The following KIAA0319L variants were observed in gnomAD, a reference collection of about 807,000 sequenced individuals.
KIAA0319L encodes KIAA0319 like.
In KIAA0319L, 55 loss-of-function variants were observed where a neutral mutation model predicts 120.1. That is an observed-to-expected ratio of 0.46 (90% CI 0.37 to 0.57). KIAA0319L has a LOEUF of 0.57. KIAA0319L is among the 20% of genes least tolerant of loss of function. KIAA0319L has a pLI of 0.00. For missense variants in KIAA0319L, 1,049 were observed against 1,255.3 expected (o/e 0.84, Z 2.48); for synonymous variants, 398 against 471.9 (o/e 0.84, Z 2.03).
intron 2 of KIAA0319L, among the ~76,000 whole-genome samples, chr1:35,547,764 T>C (rs962574825): frequency 6.6e-6 from 1 of 152,136 alleles, no homozygotes; most frequent in Non-Finnish European, 1.5e-5. Flanking sequence ...TGCTAATGGG[T>C]ACAGGGCTTC....
intron 2 of KIAA0319L, chr1:35,533,484 T>A (rs559680391): frequency 2.6e-5 from 4 of 152,202 alleles, no homozygotes; most frequent in South Asian, 4.1e-4. Context: ...GTAGAAAAAA[T>A]TTGCAATTAA....
rs115940346 is a variant in KIAA0319L, at chr1:35,513,808, T to C, written c.143-6673A>G. On this transcript the variant is annotated intron_variant, in intron 2 of 20. Transcript: ENST00000325722. ...TTCCCTTACTCATGAGTTAAATCTC[T>C]GACAAACGTTTCCTTTATATTTGTG... Among the ~76,000 whole-genome samples, 909 of 152,322 alleles carry C rather than the reference T, an allele frequency of 6.0e-3. 9 individuals carry two copies. Among genetic ancestry groups the C allele is most frequent in the African/African-American group, 0.021 (866 of 41,568 alleles).
At chr1:35,530,429 TG>T (rs1247100014) in intron 2 of KIAA0319L, among the ~76,000 whole-genome samples, 2 of 152,186 alleles carry the variant, frequency 1.3e-5, no homozygotes, top group African/African-American at 4.8e-5. Context: ...CTAGGATTTT[TG>T]TTTGGTTCTT....
At chr1:35,508,881 T>C (rs1249366466) in intron 2 of KIAA0319L, among the ~76,000 whole-genome samples, 1 of 152,200 alleles carries the variant, frequency 6.6e-6, no homozygotes, top group African/African-American at 2.4e-5. Context: ...AGCTGATATA[T>C]TATTTAATTT....
rs141329592 is a variant in KIAA0319L at position 35,463,154 on chromosome 1, C to G, written c.1202-441G>C. On this transcript the variant is annotated intron_variant, in intron 7 of 20. Coordinates refer to ENST00000325722, the MANE Select transcript of KIAA0319L (RefSeq NM_024874.5). ...CAGATAGCAGTCCATGGCCTTGGGGCTGGGGACCCCTGCATTACATAATTA... is the reference window on the plus strand; with the variant it reads ...CAGATAGCAGTCCATGGCCTTGGGGGTGGGGACCCCTGCATTACATAATTA... Among the ~76,000 whole-genome samples, 18 of 152,320 alleles carry G rather than the reference C, an allele frequency of 1.2e-4. 2 individuals are homozygous for G. Among genetic ancestry groups the G allele is most frequent in the African/African-American group, 3.8e-4 (16 of 41,584 alleles).
rs780834189 is a variant in KIAA0319L, at chr1:35,474,797, A to T, written c.1015+8T>A. Reference sequence around the variant, plus strand: ...AAAACGGTTATCCAAATGTAAGGGGATGTTTACCTTTAGGTGGTTCTTGGA... The same window carrying T: ...AAAACGGTTATCCAAATGTAAGGGGTTGTTTACCTTTAGGTGGTTCTTGGA... On this transcript the variant is annotated splice_region_variant and intron_variant, in intron 5 of 20. Coordinates refer to ENST00000325722, the MANE Select transcript of KIAA0319L (RefSeq NM_024874.5). 6.6e-7 allele frequency: 1 copy of T among 1,505,570 alleles called. No homozygotes were observed. 93.3% of individuals were successfully genotyped at this position (1,505,570 alleles called of 1,614,324 possible). A position where few individuals can be genotyped will look rare whatever the true frequency, so the allele number is the denominator to read the frequency against.
At chr1:35,504,610 C>T (rs1223811972) in intron 3 of KIAA0319L, among the ~76,000 whole-genome samples, 3 of 152,198 alleles carry the variant, frequency 2.0e-5, no homozygotes, top group Non-Finnish European at 4.4e-5. Context: ...CAACAGCAGG[C>T]TTTTAGTAGC....
chr1:35,505,328 T>A (rs1307170545), intron 3 of KIAA0319L, among the ~76,000 whole-genome samples: 1 of 152,184 alleles, frequency 6.6e-6, no homozygotes, highest in East Asian at 1.9e-4. Flanking sequence ...ACTGTGGCTC[T>A]GTCCAGAATG....
At chr1:35,504,251 C>T (rs1413596048) in intron 3 of KIAA0319L, among the ~76,000 whole-genome samples, 1 of 151,738 alleles carries the variant, frequency 6.6e-6, no homozygotes, top group East Asian at 1.9e-4. Flanking sequence ...GGCTGGAGTG[C>T]AGTGGCGCAA....
intron 2 of KIAA0319L, among the ~76,000 whole-genome samples, chr1:35,521,506 C>T (rs563370641): frequency 5.9e-5 from 9 of 151,352 alleles, no homozygotes; most frequent in African/African-American, 1.9e-4. Flanking sequence ...TGGTGGTGGG[C>T]ACCTGCAGTC....
At chr1:35,546,412 T>C (rs966806071) in intron 2 of KIAA0319L, among the ~76,000 whole-genome samples, 9 of 152,190 alleles carry the variant, frequency 5.9e-5, no homozygotes, top group Admixed American at 3.9e-4. Flanking sequence ...GGTCAGTAGT[T>C]ACCCTGGCAA....
intron 2 of KIAA0319L, among the ~76,000 whole-genome samples, chr1:35,508,121 G>A (rs1472987532): frequency 7.2e-5 from 11 of 152,176 alleles, no homozygotes; most frequent in Admixed American, 7.2e-4. Context: ...GGTGAGGCAA[G>A]AGAGGTGCCT....
chr1:35,537,133 A>G (rs1646605821), intron 2 of KIAA0319L, among the ~76,000 whole-genome samples: 1 of 152,222 alleles, frequency 6.6e-6, no homozygotes, highest in South Asian at 2.1e-4. Context: ...GGTTCTAAAA[A>G]GAAAGAATTG....
Position 35,545,642 on chromosome 1 carries a change from G to T in KIAA0319L, c.142+8708C>A, listed in dbSNP as rs180715682. ...GAGAATGACTTAGGCAGCCAGGTGC[G>T]GTGGCTCACACCTGTAACCCCAGCA... On this transcript the variant is annotated intron_variant, in intron 2 of 20. Transcript: ENST00000325722. Among the ~76,000 whole-genome samples, 73 of 152,270 alleles carry T rather than the reference G, an allele frequency of 4.8e-4. 1 individual carries two copies. Among genetic ancestry groups the T allele is most frequent in the Non-Finnish European group, 9.3e-4 (63 of 68,022 alleles).
chr1:35,469,791 C>T (rs1332839391), intron 6 of KIAA0319L, among the ~76,000 whole-genome samples: 1 of 151,880 alleles, frequency 6.6e-6, no homozygotes, highest in Non-Finnish European at 1.5e-5. Context: ...TCTGGTAAAT[C>T]CCCAATGCCT....
intron 3 of KIAA0319L, among the ~76,000 whole-genome samples, 164 bp from the exon 4 acceptor site, chr1:35,479,376 T>A (rs1436212273): frequency 6.6e-6 from 1 of 152,198 alleles, no homozygotes; most frequent in African/African-American, 2.4e-5. Context: ...GTGTTAAATG[T>A]TGAGATAAAT....
intron 2 of KIAA0319L, among the ~76,000 whole-genome samples, chr1:35,546,945 A>G (rs1374429122): frequency 2.7e-5 from 4 of 150,362 alleles, no homozygotes; most frequent in Non-Finnish European, 5.9e-5. Context: ...CATAACATCC[A>G]GCAATTCCAC....
intron 9 of KIAA0319L, among the ~76,000 whole-genome samples, chr1:35,458,985 T>C (rs1038837041): frequency 3.9e-5 from 6 of 152,202 alleles, no homozygotes; most frequent in Non-Finnish European, 5.9e-5. Flanking sequence ...ATTTATATGG[T>C]AGGTATTGTG....
rs550510743 is a variant in KIAA0319L at position 35,457,919 on chromosome 1, C to T, written c.1428-1678G>A. Among the ~76,000 whole-genome samples the T allele has an allele frequency of 5.3e-5, 8 of 152,200 alleles. No individual in the cohort carries two copies. The East Asian group carries it at 1.4e-3, about 26-fold the overall frequency. On this transcript the variant is annotated intron_variant, in intron 9 of 20. Transcript: ENST00000325722. ...CTTTTCCTAGTTTCTCTGTTGTTTTCACAGGTTTGGGTTTTTTTGTTTTGT... is the reference window on the plus strand; with the variant it reads ...CTTTTCCTAGTTTCTCTGTTGTTTTTACAGGTTTGGGTTTTTTTGTTTTGT...
Sources: allele counts gnomAD v4.1 joint callset (sites outside exome capture counted in the v4.1 genomes callset), GRCh38; gene constraint gnomAD v4.1.1; transcripts MANE v1.5; gene names NCBI Gene and HGNC (gene_info 2026-07-23, HGNC 2026-07-21).